Variants in SEMA4D observed in about 807,000 individuals in gnomAD.
SEMA4D encodes semaphorin 4D, also known as semaphorin-4D.
Under a neutral mutation model 74.8 loss-of-function variants are expected in SEMA4D, and 22 were observed. The observed-to-expected ratio is 0.29, with a 90% CI of 0.21 to 0.42. The LOEUF (loss-of-function observed/expected upper bound fraction) is 0.42, where lower values mean the gene tolerates loss of function less well. Among genes scored for constraint, SEMA4D ranks in the 10% least tolerant of loss-of-function variants. The pLI is 1.00. For synonymous variants in SEMA4D, 445 were observed against 463.7 expected, an observed-to-expected ratio of 0.96 and a Z score of 0.52; for missense variants, 937 against 1,118.4, an observed-to-expected ratio of 0.84 and a Z score of 2.31.
chr9:89,409,465 G>A (rs1844044939), intron 2 of SEMA4D, among the ~76,000 whole-genome samples: 1 of 152,190 alleles, frequency 6.6e-6, no homozygotes, highest in Admixed American at 6.5e-5. Flanking sequence ...CCACTCTGTG[G>A]GGGGATTCTG....
chr9:89,473,700 C>T (rs1861032970), intron 1 of SEMA4D, among the ~76,000 whole-genome samples: 1 of 151,642 alleles, frequency 6.6e-6, no homozygotes, highest in Non-Finnish European at 1.5e-5. Context: ...ACTAAAAATA[C>T]AAAAATTAGC....
At chr9:89,489,792 T>C (rs1032235497) in intron 1 of SEMA4D, among the ~76,000 whole-genome samples, 1 of 152,246 alleles carries the variant, frequency 6.6e-6, no homozygotes, top group Non-Finnish European at 1.5e-5. Flanking sequence ...GCTACTGGAA[T>C]AGTGCCACTG....
chr9:89,478,445 T>C (rs895470467), intron 1 of SEMA4D, among the ~76,000 whole-genome samples: 1 of 152,106 alleles, frequency 6.6e-6, no homozygotes, highest in African/African-American at 2.4e-5. Flanking sequence ...AGTGTGGCCC[T>C]GCTGACACCT....
At chr9:89,466,813 C>T (rs1180411039) in intron 1 of SEMA4D, among the ~76,000 whole-genome samples, 1 of 152,204 alleles carries the variant, frequency 6.6e-6, no homozygotes, top group East Asian at 1.9e-4. Context: ...TCGGAGTGCA[C>T]ATGACGATGA....
At chr9:89,391,497 A>T (rs1839864695) in intron 8 of SEMA4D, 82 bp from the exon 9 acceptor site, 2 of 1,441,754 alleles carry the variant, frequency 1.4e-6, no homozygotes, top group Middle Eastern at 2.0e-4. Context: ...GCCGGCCAAC[A>T]CTACCTTGGG....
intron 1 of SEMA4D, among the ~76,000 whole-genome samples, chr9:89,467,530 GAT>G (rs1859067858): frequency 1.5e-5 from 2 of 137,468 alleles, no homozygotes; most frequent in Admixed American, 7.2e-5. Context: ...GGGAGCGCAT[GAT>G]TTTTTTTTTT....
At chr9:89,434,803 T>C (rs1186337039) in intron 2 of SEMA4D, among the ~76,000 whole-genome samples, 1 of 152,194 alleles carries the variant, frequency 6.6e-6, no homozygotes, top group Non-Finnish European at 1.5e-5. Flanking sequence ...GCCATGGACC[T>C]TTGAGTGAAG....
intron 8 of SEMA4D, 68 bp downstream of exon 8, chr9:89,392,355 A>C: frequency 9.1e-6 from 11 of 1,209,968 alleles, no homozygotes; most frequent in African/African-American, 1.5e-5. Context: ...ACAGAAAAGG[A>C]GAGATCAACA....
At chr9:89,363,607 A>G in intron 17 of SEMA4D, 12 of 1,597,900 alleles carry the variant, frequency 7.5e-6, no homozygotes, top group Non-Finnish European at 1.0e-5. Context: ...CACCTTTCTC[A>G]ATGGAAAGCC....
chr9:89,392,622 T>G, intron 7 of SEMA4D, 86 bp from the exon 8 acceptor site: 1 of 839,454 alleles, frequency 1.2e-6, no homozygotes, highest in Non-Finnish European at 2.0e-6. Context: ...CAACACGGTG[T>G]TTTCCTTTAT....
At chr9:89,446,267 C>T (rs1180712749) in intron 2 of SEMA4D, among the ~76,000 whole-genome samples, 2 of 152,216 alleles carry the variant, frequency 1.3e-5, no homozygotes, top group East Asian at 1.9e-4. Flanking sequence ...GCATTTGGGG[C>T]CCACCAGATA....
chr9:89,478,326 G>A (rs1192875485), intron 1 of SEMA4D, among the ~76,000 whole-genome samples: 5 of 152,172 alleles, frequency 3.3e-5, no homozygotes, highest in Admixed American at 6.5e-5. Context: ...AGACGCAGAC[G>A]CCATGTGATG....
chr9:89,415,656 C>T (rs1845548616), intron 2 of SEMA4D, among the ~76,000 whole-genome samples: 1 of 152,196 alleles, frequency 6.6e-6, no homozygotes, highest in Non-Finnish European at 1.5e-5. Flanking sequence ...TCACCAGACA[C>T]CAAATCTGCC....
intron 2 of SEMA4D, among the ~76,000 whole-genome samples, chr9:89,413,007 T>C (rs56177051): frequency 0.22 from 33,473 of 152,048 alleles, 4,206 homozygotes; most frequent in Non-Finnish European, 0.28. Flanking sequence ...ATAGTTAAAT[T>C]AAAACAAAAG....
At chr9:89,488,147 A>G (rs1382477230) in intron 1 of SEMA4D, among the ~76,000 whole-genome samples, 1 of 152,210 alleles carries the variant, frequency 6.6e-6, no homozygotes, top group Non-Finnish European at 1.5e-5. Flanking sequence ...GGAACAGAAC[A>G]GAATCCAGAA....
intron 2 of SEMA4D, among the ~76,000 whole-genome samples, chr9:89,444,622 C>A (rs973758553): frequency 2.0e-5 from 3 of 152,060 alleles, no homozygotes; most frequent in Non-Finnish European, 2.9e-5. Context: ...TGCCCTCCCC[C>A]ACCCCAAGCA....
intron 13 of SEMA4D, chr9:89,385,944 G>A (rs1394350262): frequency 2.0e-6 from 2 of 982,432 alleles, no homozygotes; most frequent in East Asian, 2.3e-4. Context: ...GGTGGAGACA[G>A]CTTTACAGAT....
intron 2 of SEMA4D, among the ~76,000 whole-genome samples, chr9:89,425,981 A>G (rs1848005628): frequency 6.6e-6 from 1 of 152,244 alleles, no homozygotes; most frequent in South Asian, 2.1e-4. Context: ...TGAAGGCATC[A>G]CAGAATCTGC....
At position 89,451,938 on chromosome 9, in the gene SEMA4D, C is replaced by A. The variant is rs545349389; in HGVS notation, c.-244+3950G>T. 4.6e-5 allele frequency among the ~76,000 whole-genome samples: 7 copies of A among 152,282 alleles called. No homozygotes were observed. In the South Asian group the frequency reaches 1.2e-3, roughly 27 times the overall value. On this transcript the variant is annotated intron_variant, in intron 2 of 15. Transcript: ENST00000422704. ...CAAGGCATCTCGGCTCTGATCAGCA[C>A]ACTTCTGGTGCTCTGTATCAGGTGT...
Sources: gnomAD v4.1 joint callset for allele counts (sites outside exome capture counted in the v4.1 genomes callset) on GRCh38, gnomAD v4.1.1 for gene constraint, MANE v1.5 for transcripts, NCBI Gene and HGNC (gene_info 2026-07-23, HGNC 2026-07-21) for gene names.